Variants in ADGRV1 observed in about 807,000 individuals in gnomAD.
ADGRV1 encodes the protein G-protein coupled receptor 98.
ADGRV1 carries 359 observed loss-of-function variants against 596.2 expected under a neutral mutation model. The observed-to-expected ratio is 0.60, with a 90% CI of 0.55 to 0.66. The LOEUF (loss-of-function observed/expected upper bound fraction) is 0.66. ADGRV1 is among the 30% of genes least tolerant of loss of function. The pLI is 0.00. For synonymous variants in ADGRV1, 2,681 were observed against 2,679.2 expected (o/e 1.00, Z -0.02); for missense variants, 7,274 against 7,575.6 (o/e 0.96, Z 1.48).
At chr5:90,767,706 C>G (rs1227035729) in intron 59 of ADGRV1, among the ~76,000 whole-genome samples, 5 of 147,512 alleles carry the variant, frequency 3.4e-5, no homozygotes, top group African/African-American at 1.0e-4. Context: ...AATGACTCTT[C>G]TTCAGAGCCT....
chr5:90,605,084 GA>G (rs1761915920), intron 1 of ADGRV1, among the ~76,000 whole-genome samples: 2 of 152,182 alleles, frequency 1.3e-5, no homozygotes, highest in South Asian at 4.1e-4. Flanking sequence ...TGAGCTCATG[GA>G]AAATGTCAAG....
chr5:90,971,939 G>C (rs1310595928), intron 84 of ADGRV1, among the ~76,000 whole-genome samples: 2 of 152,184 alleles, frequency 1.3e-5, no homozygotes, highest in South Asian at 4.1e-4. Flanking sequence ...CCATCAGTGT[G>C]CTGTATTCAG....
intron 50 of ADGRV1, 108 bp downstream of exon 50, chr5:90,729,872 T>G: frequency 1.2e-6 from 1 of 861,792 alleles, no homozygotes; most frequent in Non-Finnish European, 1.7e-6. Context: ...CACTGGGTAT[T>G]TTTTTTTTTT....
intron 82 of ADGRV1, among the ~76,000 whole-genome samples, chr5:90,862,855 C>A (rs1767738766): frequency 6.6e-6 from 1 of 152,174 alleles, no homozygotes; most frequent in Non-Finnish European, 1.5e-5. Flanking sequence ...GATGCCCAGT[C>A]CACTTATGCC....
intron 85 of ADGRV1, among the ~76,000 whole-genome samples, chr5:91,022,646 G>T (rs1490657296): frequency 1.3e-5 from 2 of 152,074 alleles, no homozygotes; most frequent in African/African-American, 4.8e-5. Context: ...GGTTTGGCCT[G>T]TATTTACTTG....
In ADGRV1 at chr5:90,753,693, T is replaced by G; in HGVS notation, c.11241T>G (p.Val3747=). The change falls in exon 54 of 90, where the codon GTT becomes GTG. Residue 3747 remains valine (V), a synonymous_variant. Transcript: ENST00000405460. ...TCACCCGTATCACCACAGAAGGGGTTGAGGACTCATACAAAGGTGCTACTA... is the reference window on the plus strand; with the variant it reads ...TCACCCGTATCACCACAGAAGGGGTGGAGGACTCATACAAAGGTGCTACTA... ...VTLTRITTEG[V]EDSYKGATID... The G allele has an allele frequency of 6.2e-7, 1 of 1,613,720 alleles. No individual in the cohort carries two copies. Among genetic ancestry groups the G allele is most frequent in the Non-Finnish European group, 8.5e-7 (1 of 1,179,712 alleles).
chr5:91,055,651 A>C (rs1393863811), intron 85 of ADGRV1, among the ~76,000 whole-genome samples: 1 of 152,192 alleles, frequency 6.6e-6, no homozygotes, highest in Non-Finnish European at 1.5e-5. Context: ...TAAGCTCTTC[A>C]CTTTCTCACT....
chr5:90,910,029 G>A lies in ADGRV1; in HGVS notation c.17856+46172G>A, dbSNP rs138900308. Among the ~76,000 whole-genome samples, 156 of 152,354 alleles carry A rather than the reference G, an allele frequency of 1.0e-3. No individual in the cohort carries two copies. The East Asian group carries it at 0.012, about 12-fold the overall frequency. ...AGTATGAACTCCGCGTCCTGGAGGC[G>A]CTGACAGCAGGACCTTACTCATTTA... On this transcript the variant is annotated intron_variant, in intron 83 of 89. Coordinates refer to ENST00000405460, the MANE Select transcript of ADGRV1 (RefSeq NM_032119.4).
chr5:90,593,014 C>T (rs556410246), intron 1 of ADGRV1, among the ~76,000 whole-genome samples: 3 of 152,226 alleles, frequency 2.0e-5, no homozygotes, highest in Admixed American at 1.3e-4. Context: ...TGTAAATTAG[C>T]TCAACCATTG....
intron 78 of ADGRV1, among the ~76,000 whole-genome samples, chr5:90,842,837 T>C (rs1158051627): frequency 6.6e-6 from 1 of 152,230 alleles, no homozygotes; most frequent in African/African-American, 2.4e-5. Flanking sequence ...CAAGTTATTG[T>C]CACTACTTTT....
At chr5:90,916,981 A>T (rs1308856487) in intron 83 of ADGRV1, among the ~76,000 whole-genome samples, 1 of 152,230 alleles carries the variant, frequency 6.6e-6, no homozygotes, top group African/African-American at 2.4e-5. Context: ...TTATTAAATT[A>T]TTCATATAAT....
intron 83 of ADGRV1, among the ~76,000 whole-genome samples, chr5:90,900,979 T>C (rs1237871346): frequency 6.6e-6 from 1 of 152,184 alleles, no homozygotes; most frequent in East Asian, 1.9e-4. Context: ...ATTTTTGTCC[T>C]GTAGAATTTT....
intron 89 of ADGRV1, among the ~76,000 whole-genome samples, chr5:91,160,305 T>C (rs1194067364): frequency 6.6e-6 from 1 of 152,150 alleles, no homozygotes; most frequent in Non-Finnish European, 1.5e-5. Context: ...CAGCCCAGTG[T>C]AGTAAACAAA....
intron 85 of ADGRV1, among the ~76,000 whole-genome samples, chr5:91,056,452 T>C (rs866124664): frequency 3.5e-4 from 53 of 152,150 alleles, no homozygotes; most frequent in African/African-American, 1.3e-3. Context: ...ACAATCCGAT[T>C]GAGAAATGGT....
chr5:90,767,112 A>G (rs1029209816), intron 59 of ADGRV1, among the ~76,000 whole-genome samples: 7 of 152,218 alleles, frequency 4.6e-5, no homozygotes, highest in Non-Finnish European at 8.8e-5. Flanking sequence ...TGCCAAGAAT[A>G]GCCAGCAACT....
In ADGRV1 at chr5:90,727,101, T is replaced by G. The variant is rs4916689; in HGVS notation, c.10161+1445T>G. Among the ~76,000 whole-genome samples the G allele has an allele frequency of 6.0e-3, 906 of 151,898 alleles. 9 individuals are homozygous for G. Among genetic ancestry groups the G allele is most frequent in the Non-Finnish European group, 0.01 (692 of 67,936 alleles). On this transcript the variant is annotated intron_variant, in intron 48 of 89. Coordinates refer to ENST00000405460, the MANE Select transcript of ADGRV1 (RefSeq NM_032119.4). ...TTCCTTGATTACTCCTTTTTATTAG[T>G]GGGGGGGATGGGGTCTGGCTCTGTG...
chr5:90,729,846 G>C, intron 50 of ADGRV1, 82 bp downstream of exon 50: 1 of 1,371,218 alleles, frequency 7.3e-7, no homozygotes, highest in Non-Finnish European at 1.0e-6. Context: ...TTTAGATTTA[G>C]TATCACATTG....
chr5:90,707,395 A>T (rs1394590079), intron 38 of ADGRV1, among the ~76,000 whole-genome samples: 2 of 152,130 alleles, frequency 1.3e-5, no homozygotes, highest in Non-Finnish European at 2.9e-5. Flanking sequence ...TTCAATTACT[A>T]TGTATTTTGG....
chr5:90,928,127 G>C (rs551426606), intron 83 of ADGRV1, among the ~76,000 whole-genome samples: 1 of 152,110 alleles, frequency 6.6e-6, no homozygotes, highest in South Asian at 2.1e-4. Context: ...TGCTCTTCTC[G>C]AGGAGTATCT....
Sources: allele counts gnomAD v4.1 joint callset (sites outside exome capture counted in the v4.1 genomes callset), GRCh38; gene constraint gnomAD v4.1.1; transcripts MANE v1.5; gene names NCBI Gene and HGNC (gene_info 2026-07-23, HGNC 2026-07-21).